The following ZNF385D variants were observed in gnomAD, a reference collection of about 807,000 sequenced individuals.
ZNF385D encodes zinc finger protein 385D, also known as zinc finger protein 659.
Under a neutral mutation model 35.8 loss-of-function variants are expected in ZNF385D, and 15 were observed. The ratio of observed to expected loss-of-function variants is 0.42; its 90% CI spans 0.28 to 0.64. The LOEUF is 0.64. Among genes scored for constraint, ZNF385D ranks in the 30% least tolerant of loss-of-function variants. The probability of loss-of-function intolerance (pLI) is 0.23; values close to 1 mark genes in which losing one functional copy is unlikely to be tolerated. For synonymous variants in ZNF385D, 212 were observed against 186.8 expected (o/e 1.13, Z -1.10); for missense variants, 474 against 494.6 (o/e 0.96, Z 0.39).
In ZNF385D at chr3:21,814,739, C is replaced by A. The variant is rs571837232; in HGVS notation, c.326-149711G>T. Among the ~76,000 whole-genome samples the A allele has an allele frequency of 2.6e-5, 4 of 152,290 alleles. No individual in the cohort carries two copies. The South Asian group carries it at 6.2e-4, about 24-fold the overall frequency. On this transcript the variant is annotated intron_variant, in intron 3 of 5. Transcript: ENST00000494108. ...ACTCCCACAAAATAATAATGGGAGA[C>A]TTTAACACCCCACTGTCAACATTAG...
chr3:22,024,438 T>C (rs1697415540), intron 3 of ZNF385D, among the ~76,000 whole-genome samples: 1 of 152,072 alleles, frequency 6.6e-6, no homozygotes, highest in Non-Finnish European at 1.5e-5. Flanking sequence ...AGTTATTTCC[T>C]TGGTTTTGGG....
chr3:22,171,552 A>G (rs1288643871), intron 2 of ZNF385D, among the ~76,000 whole-genome samples: 1 of 152,172 alleles, frequency 6.6e-6, no homozygotes, highest in African/African-American at 2.4e-5. Flanking sequence ...GAGAACCTCA[A>G]ATTATTGTGG....
intron 2 of ZNF385D, among the ~76,000 whole-genome samples, chr3:21,605,266 G>A (rs1045639227): frequency 1.3e-5 from 2 of 152,052 alleles, no homozygotes; most frequent in African/African-American, 2.4e-5. Context: ...CCCCACTGAA[G>A]GTAAAGATAC....
chr3:21,631,489 G>A (rs984682339), intron 2 of ZNF385D, among the ~76,000 whole-genome samples: 1 of 152,052 alleles, frequency 6.6e-6, no homozygotes, highest in African/African-American at 2.4e-5. Context: ...CCTCTTTGGA[G>A]AAAATACCAT....
chr3:22,002,315 T>G (rs573073234), intron 3 of ZNF385D, among the ~76,000 whole-genome samples: 1 of 152,178 alleles, frequency 6.6e-6, no homozygotes, highest in African/African-American at 2.4e-5. Flanking sequence ...GATGAACAAG[T>G]ATATGCTAAC....
In ZNF385D at chr3:22,211,291, G is replaced by A. The variant is rs181758480; in HGVS notation, c.107-42256C>T. ...ATATTCCTCAGTATTAACAATTACA[G>A]ACTGGAAAAGCAAAAAATGTTCTGA... On this transcript the variant is annotated intron_variant, in intron 2 of 5. Transcript: ENST00000494108. Among the ~76,000 whole-genome samples, 38 of 151,898 alleles carry A rather than the reference G, an allele frequency of 2.5e-4. 1 individual carries two copies. The highest frequency in any genetic ancestry group is 1.9e-4 in the East Asian group (1 of 5,150).
At chr3:21,528,441 C>T (rs1559375402) in intron 3 of ZNF385D, among the ~76,000 whole-genome samples, 1 of 152,110 alleles carries the variant, frequency 6.6e-6, no homozygotes, top group Non-Finnish European at 1.5e-5. Context: ...ACATGTCCAG[C>T]CCTGATGCAC....
intron 2 of ZNF385D, among the ~76,000 whole-genome samples, chr3:22,208,733 A>G (rs540915254): frequency 6.6e-6 from 1 of 151,912 alleles, no homozygotes; most frequent in East Asian, 1.9e-4. Flanking sequence ...AAAAATTTAA[A>G]AAATAATTAT....
chr3:22,075,578 T>C (rs919010763), intron 3 of ZNF385D, among the ~76,000 whole-genome samples: 1 of 151,932 alleles, frequency 6.6e-6, no homozygotes, highest in Non-Finnish European at 1.5e-5. Context: ...GACCACTCTT[T>C]TCTACCATCT....
chr3:21,919,343 T>C (rs1700343118), intron 3 of ZNF385D, among the ~76,000 whole-genome samples: 1 of 152,346 alleles, frequency 6.6e-6, no homozygotes, highest in Admixed American at 6.5e-5. Flanking sequence ...ACAATTATAA[T>C]GCACTTTGAA....
intron 3 of ZNF385D, among the ~76,000 whole-genome samples, chr3:22,158,421 T>C (rs555574594): frequency 2.0e-5 from 3 of 152,108 alleles, no homozygotes; most frequent in Non-Finnish European, 4.4e-5. Flanking sequence ...TTTTATCCCA[T>C]TTCTTTTACT....
chr3:21,498,803 C>T (rs1006780656), intron 4 of ZNF385D, among the ~76,000 whole-genome samples: 6 of 151,736 alleles, frequency 4.0e-5, no homozygotes, highest in South Asian at 2.1e-4. Context: ...ATTAGCTGGG[C>T]GTGGTGGCGT....
intron 3 of ZNF385D, among the ~76,000 whole-genome samples, chr3:21,797,944 T>A (rs1427958159): frequency 6.6e-6 from 1 of 152,170 alleles, no homozygotes; most frequent in Non-Finnish European, 1.5e-5. Flanking sequence ...CATTATACAT[T>A]TGTCTAAATA....
intron 1 of ZNF385D, among the ~76,000 whole-genome samples, chr3:21,742,817 C>A (rs1483450358): frequency 1.3e-5 from 2 of 152,136 alleles, no homozygotes; most frequent in East Asian, 3.9e-4. Flanking sequence ...ACCTATATAC[C>A]AAATTATCTA....
rs187494937 is a variant in ZNF385D, at chr3:21,633,980, G to C, written c.165+30906C>G. On this transcript the variant is annotated intron_variant, in intron 2 of 7. Transcript: ENST00000281523. ...GAAAGATCAGGCAGGTGGATTGCTTGAGCCCAGGAGTTCAAGAACAGCCTA... is the reference window on the plus strand; with the variant it reads ...GAAAGATCAGGCAGGTGGATTGCTTCAGCCCAGGAGTTCAAGAACAGCCTA... Among the ~76,000 whole-genome samples, 148 of 152,026 alleles carry C rather than the reference G, an allele frequency of 9.7e-4. 2 individuals are homozygous for C. The highest frequency in any genetic ancestry group is 3.1e-3 in the African/African-American group (129 of 41,494).
At position 22,256,984 on chromosome 3, in the gene ZNF385D, C is replaced by G. The variant is rs542080769; in HGVS notation, c.107-87949G>C. Among the ~76,000 whole-genome samples, 91 of 151,686 alleles carry G rather than the reference C, an allele frequency of 6.0e-4. No homozygotes were observed. The Middle Eastern group carries it at 0.027, about 45-fold the overall frequency. ...CTTAGATCAAAAGTTATCCAAAACC[C>G]AAGACCTCAGATGAATAAGGCACAT... On this transcript the variant is annotated intron_variant, in intron 2 of 5. Transcript: ENST00000494108.
At chr3:22,227,427 C>A (rs1365622978) in intron 2 of ZNF385D, among the ~76,000 whole-genome samples, 1 of 152,134 alleles carries the variant, frequency 6.6e-6, no homozygotes, top group Non-Finnish European at 1.5e-5. Flanking sequence ...AGGAATGCTT[C>A]CCAGAAAGAC....
intron 1 of ZNF385D, among the ~76,000 whole-genome samples, chr3:21,706,009 G>C (rs2067885385): frequency 6.6e-6 from 1 of 152,154 alleles, no homozygotes; most frequent in African/African-American, 2.4e-5. Context: ...GTGAGGAGTG[G>C]AAATTTACCA....
At chr3:21,587,071 T>C (rs1559434845) in intron 2 of ZNF385D, among the ~76,000 whole-genome samples, 1 of 152,116 alleles carries the variant, frequency 6.6e-6, no homozygotes, top group East Asian at 1.9e-4. Flanking sequence ...AATTTTGGTA[T>C]GAATGGAGAA....
Sources: allele counts gnomAD v4.1 joint callset (sites outside exome capture counted in the v4.1 genomes callset), GRCh38; gene constraint gnomAD v4.1.1; transcripts MANE v1.5; gene names NCBI Gene and HGNC (gene_info 2026-07-23, HGNC 2026-07-21).